Variants in MFSD8 observed in about 807,000 individuals in gnomAD.
MFSD8 encodes the protein major facilitator superfamily domain containing 8.
MFSD8 carries 55 observed loss-of-function variants against 66.4 expected under a neutral mutation model. That is an observed-to-expected ratio of 0.83 (90% CI 0.67 to 1.04). The LOEUF is 1.04. MFSD8 is among the 50% of genes least tolerant of loss of function. The pLI, the probability that MFSD8 is intolerant of heterozygous loss-of-function variation, is 0.00. For missense variants in MFSD8, 550 were observed against 627.6 expected, an observed-to-expected ratio of 0.88 and a Z score of 1.32; for synonymous variants, 202 against 212.8, an observed-to-expected ratio of 0.95 and a Z score of 0.44.
intron 7 of MFSD8, among the ~76,000 whole-genome samples, 175 bp downstream of exon 7, chr4:127,938,593 AAATAAATAAATAAAT>A (rs1195677859): frequency 5.7e-4 from 61 of 106,506 alleles, no homozygotes; most frequent in South Asian, 2.3e-3. Flanking sequence ...AAAAAAAAAA[AAATAAATAAATAAAT>A]AAATAAATAA....
intron 2 of MFSD8, among the ~76,000 whole-genome samples, chr4:127,952,080 T>G (rs981636651): frequency 4.0e-5 from 6 of 151,802 alleles, no homozygotes; most frequent in Non-Finnish European, 8.8e-5. Flanking sequence ...ATTCCTTATA[T>G]AAACCCTATT....
At chr4:127,929,458 C>T (rs1737785434) in intron 9 of MFSD8, among the ~76,000 whole-genome samples, 1 of 148,448 alleles carries the variant, frequency 6.7e-6, no homozygotes, top group Admixed American at 6.8e-5. Context: ...CATTATGGCA[C>T]ATGCCTGTAG....
chr4:127,961,022 G>A (rs1207368761), intron 1 of MFSD8, among the ~76,000 whole-genome samples: 1 of 152,148 alleles, frequency 6.6e-6, no homozygotes, highest in Non-Finnish European at 1.5e-5. Context: ...TACAGGAAAT[G>A]TTTTCCAACC....
chr4:127,932,864 T>C (rs1738395311), intron 8 of MFSD8, 121 bp downstream of exon 8: 1 of 756,630 alleles, frequency 1.3e-6, no homozygotes, highest in Non-Finnish European at 2.2e-6. Flanking sequence ...TTTTACATCA[T>C]GGTAAGAAAA....
At chr4:127,939,468 T>C (rs1176512127) in intron 6 of MFSD8, 1 of 169,302 alleles carries the variant, frequency 5.9e-6, no homozygotes, top group Non-Finnish European at 1.3e-5. Context: ...TAGCTGGATG[T>C]GTTGGCATGC....
rs759285288 is a variant in MFSD8, at chr4:127,921,621, T to C, written c.1253A>G (p.Gln418Arg). Reference protein sequence around the residue: ...CLYTPVIHLAQFLTSAVLIGL... With the variant: ...CLYTPVIHLARFLTSAVLIGL... The stretch of plus-strand genomic sequence containing the variant: ...TATTAGCACAGCTGATGTAAGGAAC[T>C]GGGCCAGATGAATCACCGGGGTGTA... Residue 418 changes from glutamine (Q) to arginine (R), a missense_variant, in exon 11 of 12, where the codon CAG (glutamine) becomes CGG (arginine). Coordinates refer to ENST00000641686, the MANE Select transcript of MFSD8 (RefSeq NM_001371596.2). 1 of 1,614,234 alleles carries C rather than the reference T, an allele frequency of 6.2e-7. No individual in the cohort carries two copies. The highest frequency in any genetic ancestry group is 1.1e-5 in the South Asian group (1 of 91,086).
intron 9 of MFSD8, among the ~76,000 whole-genome samples, chr4:127,922,583 C>A (rs1043406947): frequency 2.0e-5 from 3 of 151,714 alleles, no homozygotes; most frequent in African/African-American, 7.3e-5. Flanking sequence ...TGTGATGGCA[C>A]CACTGCACTC....
chr4:127,951,274 GGC>G, intron 2 of MFSD8, among the ~76,000 whole-genome samples: 1 of 152,134 alleles, frequency 6.6e-6, no homozygotes, highest in Non-Finnish European at 1.5e-5. Context: ...TTGTCGCCCA[GGC>G]TGGAGTGTAG....
chr4:127,965,358 T>C (rs556958266), upstream of MFSD8: 2 of 616,638 alleles, frequency 3.2e-6, no homozygotes, highest in Non-Finnish European at 2.9e-6. Context: ...GGCACGCGCC[T>C]CCCATCCTGA....
intron 1 of MFSD8, among the ~76,000 whole-genome samples, chr4:127,962,586 T>G (rs1185757768): frequency 6.6e-6 from 1 of 150,766 alleles, no homozygotes; most frequent in East Asian, 2.0e-4. Context: ...TTCATTTTAA[T>G]GATCTCAAGA....
At chr4:127,953,222 G>A (rs1247199803) in intron 2 of MFSD8, among the ~76,000 whole-genome samples, 1 of 151,874 alleles carries the variant, frequency 6.6e-6, no homozygotes, top group South Asian at 2.1e-4. Flanking sequence ...AAATTTACAG[G>A]TCACACCTGT....
chr4:127,922,758 A>G (rs1390686585), intron 9 of MFSD8, among the ~76,000 whole-genome samples: 1 of 152,212 alleles, frequency 6.6e-6, no homozygotes, highest in Admixed American at 6.5e-5. Flanking sequence ...CTATACAACT[A>G]TAGCTCAGGT....
intron 2 of MFSD8, among the ~76,000 whole-genome samples, chr4:127,955,398 G>A (rs185046804): frequency 5.3e-4 from 80 of 152,038 alleles, no homozygotes; most frequent in African/African-American, 1.8e-3. Context: ...AAAATTAGCC[G>A]GGCATGGTGG....
At chr4:127,926,431 G>T (rs985497769) in intron 9 of MFSD8, among the ~76,000 whole-genome samples, 1 of 150,178 alleles carries the variant, frequency 6.7e-6, no homozygotes, top group Admixed American at 6.7e-5. Flanking sequence ...CCACTTCCCA[G>T]CCCTGCCCTT....
chr4:127,934,056 T>C (rs545228486), intron 7 of MFSD8, among the ~76,000 whole-genome samples: 34 of 152,172 alleles, frequency 2.2e-4, no homozygotes, highest in Admixed American at 1.7e-3. Context: ...CTGGCCAACA[T>C]GGCAAAACCC....
At position 127,921,563 on chromosome 4, in the gene MFSD8, G is replaced by C. The variant is rs145453022; in HGVS notation, c.1311C>G (p.Ser437=). Residue 437 remains serine (S), a synonymous_variant, in exon 11 of 12, where the codon TCC becomes TCG. Coordinates refer to ENST00000641686, the MANE Select transcript of MFSD8 (RefSeq NM_001371596.2). ...CTAGAATTTTTGAATATAGAGTATA[G>C]GACATAAGATTGCAGACTGGATAGC... is the stretch of plus-strand genomic sequence containing the variant. ...GLGYPVCNLM[S]YTLYSKILGP... 1,741 of 1,614,168 alleles carry C rather than the reference G, an allele frequency of 1.1e-3. 25 individuals carry two copies. In the South Asian group the frequency reaches 0.013, roughly 12 times the overall value.
At position 127,949,811 on chromosome 4, in the gene MFSD8, A is replaced by C. The variant is rs113960067; in HGVS notation, c.191T>G (p.Leu64Arg). ...SVVMMSIWPYLQKIDPTADTS... is the reference protein window; with the variant it reads ...SVVMMSIWPYRQKIDPTADTS... ...AGATTGAAATGTACAAACCTTTTGG[A>C]GATATGGCCATATGGACATCATCAC... Residue 64 changes from leucine (L) to arginine (R), a missense_variant, in exon 3 of 12, where the codon CTC becomes CGC. Physicochemically the swap from Leu to Arg is moderately radical, Grantham distance 102 (BLOSUM62 -2). Coordinates refer to ENST00000641686, the MANE Select transcript of MFSD8 (RefSeq NM_001371596.2). 1.2e-6 allele frequency: 2 copies of C among 1,612,018 alleles called. No homozygotes were observed. Among genetic ancestry groups the C allele is most frequent in the African/African-American group, 1.3e-5 (1 of 74,900 alleles).
chr4:127,931,423 T>C (rs1422764928), intron 8 of MFSD8, among the ~76,000 whole-genome samples: 1 of 152,190 alleles, frequency 6.6e-6, no homozygotes, highest in Non-Finnish European at 1.5e-5. Context: ...AGTGGCATGA[T>C]CTTGGCTCAC....
intron 9 of MFSD8, among the ~76,000 whole-genome samples, chr4:127,929,718 A>G (rs77503515): frequency 0.014 from 2,189 of 152,340 alleles, 63 homozygotes; most frequent in African/African-American, 0.05. Context: ...CACAGTTAGA[A>G]GAAATAAGAC....
Sources: gnomAD v4.1 joint callset for allele counts (sites outside exome capture counted in the v4.1 genomes callset) on GRCh38, gnomAD v4.1.1 for gene constraint, MANE v1.5 for transcripts, NCBI Gene and HGNC (gene_info 2026-07-23, HGNC 2026-07-21) for gene names.